PPHLN1: variants seen among roughly 807,000 people sequenced by gnomAD.
PPHLN1 encodes the protein periphilin 1, also known as periphilin-1.
PPHLN1 carries 29 observed loss-of-function variants against 51.3 expected under a neutral mutation model. The ratio of observed to expected loss-of-function variants is 0.57; its 90% CI spans 0.42 to 0.77. The LOEUF is 0.77. Ranked by LOEUF, PPHLN1 falls within the 30% of genes least tolerant of loss-of-function variation. PPHLN1 has a pLI of 0.00. For synonymous variants in PPHLN1, 147 were observed against 147.8 expected (o/e 0.99, Z 0.04); for missense variants, 436 against 438.4 (o/e 0.99, Z 0.05).
chr12:42,350,094 GCGGCTGCCGGGCGGGGGCGCCCCCC>G (rs1404577232), intron 2 of PPHLN1: 3 of 151,542 alleles, frequency 2.0e-5, no homozygotes, highest in East Asian at 3.9e-4. Flanking sequence ...CCCAGACGGG[GCGGCTGCCGGGCGGGGGCGCCCCCC>G]ACCTCCCAGA....
At chr12:42,374,017 A>G (rs1234131141) in intron 4 of PPHLN1, among the ~76,000 whole-genome samples, 4 of 152,114 alleles carry the variant, frequency 2.6e-5, no homozygotes, top group Non-Finnish European at 2.9e-5. Flanking sequence ...CTACCCATCA[A>G]TGGTACTCTC....
At chr12:42,332,349 A>G (rs1238839206) in intron 1 of PPHLN1, among the ~76,000 whole-genome samples, 1 of 152,244 alleles carries the variant, frequency 6.6e-6, no homozygotes, top group East Asian at 1.9e-4. Flanking sequence ...TTACAATAAC[A>G]GCTAAAAACA....
Position 42,392,038 on chromosome 12 carries a change from G to A in PPHLN1, c.649-1532G>A, listed in dbSNP as rs541849710. 3.0e-4 allele frequency among the ~76,000 whole-genome samples: 46 copies of A among 152,260 alleles called. No homozygotes were observed. In the South Asian group the frequency reaches 9.1e-3, roughly 30 times the overall value. The stretch of plus-strand genomic sequence containing the variant: ...TTGAGACCAGCCTGGCCAACGTGGT[G>A]AAATCCTGTCTCTACTAAAAATACA... On this transcript the variant is annotated intron_variant, in intron 7 of 9. Transcript: ENST00000358314.
At chr12:42,372,233 G>A (rs745528207) in intron 4 of PPHLN1, among the ~76,000 whole-genome samples, 7 of 152,144 alleles carry the variant, frequency 4.6e-5, no homozygotes, top group Non-Finnish European at 1.0e-4. Flanking sequence ...TTAAATTGGT[G>A]GGGAGCAGAA....
At chr12:42,332,801 T>C (rs2069975792) in intron 1 of PPHLN1, 3 of 633,464 alleles carry the variant, frequency 4.7e-6, no homozygotes, top group East Asian at 3.3e-5. Context: ...TACATACTAT[T>C]TCTTTAGAAC....
At chr12:42,379,526 T>C (rs2076589386) in intron 5 of PPHLN1, among the ~76,000 whole-genome samples, 1 of 152,020 alleles carries the variant, frequency 6.6e-6, no homozygotes, top group Non-Finnish European at 1.5e-5. Context: ...ACCTTTTGCT[T>C]TCCTATTTTT....
rs190975875 is a variant in PPHLN1, at chr12:42,419,660, G to T, written c.909+20666G>T. Among the ~76,000 whole-genome samples, 248 of 152,292 alleles carry T rather than the reference G, an allele frequency of 1.6e-3. 1 individual carries two copies. The highest frequency in any genetic ancestry group is 5.6e-3 in the Admixed American group (85 of 15,294). On this transcript the variant is annotated intron_variant, in intron 9 of 9. Coordinates refer to ENST00000358314, the MANE Select transcript of PPHLN1 (RefSeq NM_201439.2). Reference sequence around the variant, plus strand: ...TATCTGTGTTGTTTAGTATGAATAAGAAGTTACTTGTGTTGGTCATTTTTG... The same window carrying T: ...TATCTGTGTTGTTTAGTATGAATAATAAGTTACTTGTGTTGGTCATTTTTG...
At chr12:42,433,889 C>T (rs570029915) in intron 9 of PPHLN1, among the ~76,000 whole-genome samples, 2 of 152,150 alleles carry the variant, frequency 1.3e-5, no homozygotes, top group African/African-American at 4.8e-5. Context: ...ATAGATATTA[C>T]TATCTATATG....
At position 42,435,607 on chromosome 12, in the gene PPHLN1, C is replaced by T. The variant is rs537354969; in HGVS notation, c.910-5708C>T. ...CGCTTTTTTCCTGGCCTCATCAACA[C>T]ATTAAACATTATGAATGGTTCCTTG... On this transcript the variant is annotated intron_variant, in intron 9 of 9. Transcript: ENST00000358314. Among the ~76,000 whole-genome samples the T allele has an allele frequency of 6.6e-5, 10 of 152,140 alleles. 1 individual carries two copies. The South Asian group carries it at 1.9e-3, about 28-fold the overall frequency.
intron 9 of PPHLN1, among the ~76,000 whole-genome samples, chr12:42,401,299 G>A (rs1450036846): frequency 6.6e-6 from 1 of 152,018 alleles, no homozygotes; most frequent in African/African-American, 2.4e-5. Context: ...TTTTTATTTG[G>A]TAGATAATAA....
chr12:42,447,414 G>A (rs1053936471), downstream of PPHLN1: 5 of 152,170 alleles, frequency 3.3e-5, no homozygotes, highest in Admixed American at 3.3e-4. Context: ...AAGAAACAAA[G>A]CGAATAGGCA....
rs183303491 is a variant in PPHLN1 at position 42,366,947 on chromosome 12, T to G, written c.300-7916T>G. The stretch of plus-strand genomic sequence containing the variant: ...GACTGTCAGAACGCCTTTCTTATCT[T>G]CATGAACAAGTTTTTTTTCTCTCTC... On this transcript the variant is annotated intron_variant, in intron 4 of 9. Coordinates refer to ENST00000358314, the MANE Select transcript of PPHLN1 (RefSeq NM_201439.2). 3.3e-5 allele frequency among the ~76,000 whole-genome samples: 5 copies of G among 152,298 alleles called. No individual in the cohort carries two copies. In the East Asian group the frequency reaches 7.7e-4, roughly 24 times the overall value.
At chr12:42,387,364 T>C (rs1043497002) in intron 6 of PPHLN1, 92 bp from the exon 7 acceptor site, 5 of 1,354,206 alleles carry the variant, frequency 3.7e-6, no homozygotes, top group Admixed American at 2.3e-5. Flanking sequence ...CTAAAATAAG[T>C]GTATGACCCC....
intron 9 of PPHLN1, among the ~76,000 whole-genome samples, chr12:42,420,542 C>G (rs531300016): frequency 6.6e-6 from 1 of 151,714 alleles, no homozygotes; most frequent in African/African-American, 2.4e-5. Flanking sequence ...ACCATCTCAG[C>G]TCACTGCAAC....
intron 9 of PPHLN1, among the ~76,000 whole-genome samples, chr12:42,410,886 AAG>A (rs990033873): frequency 6.6e-6 from 1 of 152,216 alleles, no homozygotes; most frequent in African/African-American, 2.4e-5. Flanking sequence ...TTGGGAAAGA[AAG>A]AAATTATTTT....
intron 2 of PPHLN1, among the ~76,000 whole-genome samples, chr12:42,336,647 G>C (rs944321723): frequency 4.6e-5 from 7 of 152,168 alleles, no homozygotes; most frequent in African/African-American, 1.7e-4. Context: ...GCTACATCTA[G>C]TACTTAGCAG....
rs2073418454 is a variant in PPHLN1, at chr12:42,351,959, C to T, written c.147C>T (p.Tyr49=). ...PLLDRPGEGS[Y]NRYYSHVDYR... is the part of the protein sequence containing the mutation. ...TAGACAGACCTGGTGAAGGAAGCTA[C>T]AATAGATATTACAGTCATGTTGATT... Residue 49 remains tyrosine (Y), a synonymous_variant, in exon 3 of 10, where the codon TAC becomes TAT. Transcript: ENST00000358314. 6.3e-7 allele frequency: 1 copy of T among 1,584,860 alleles called. No individual in the cohort carries two copies.
downstream of PPHLN1, chr12:42,442,704 G>C: frequency 1.2e-6 from 2 of 1,614,080 alleles, no homozygotes; most frequent in Non-Finnish European, 1.7e-6. Context: ...GATCACGACG[G>C]AACCCCCGAA....
At chr12:42,328,163 C>T (rs1341406487) in intron 1 of PPHLN1, among the ~76,000 whole-genome samples, 3 of 152,076 alleles carry the variant, frequency 2.0e-5, no homozygotes, top group Non-Finnish European at 2.9e-5. Flanking sequence ...CTTGATGGAC[C>T]GTTGGATGTT....
Sources: allele counts gnomAD v4.1 joint callset (sites outside exome capture counted in the v4.1 genomes callset), GRCh38; gene constraint gnomAD v4.1.1; transcripts MANE v1.5; gene names NCBI Gene and HGNC (gene_info 2026-07-23, HGNC 2026-07-21).